The following CSMD2 variants were observed in gnomAD, a reference collection of about 807,000 sequenced individuals.
CSMD2 encodes the protein CUB and sushi domain-containing protein 2.
A neutral mutation model predicts 398.5 loss-of-function variants in CSMD2; 130 were observed. The ratio of observed to expected loss-of-function variants is 0.33; its 90% CI spans 0.28 to 0.38. The LOEUF (loss-of-function observed/expected upper bound fraction) is 0.38, where lower values mean the gene tolerates loss of function less well. Among genes scored for constraint, CSMD2 ranks in the 10% least tolerant of loss-of-function variants. The pLI is 1.00. For synonymous variants in CSMD2, 1,828 were observed against 1,908.5 expected (o/e 0.96, Z 1.10); for missense variants, 3,829 against 4,764.9 (o/e 0.80, Z 5.78).
intron 3 of CSMD2, among the ~76,000 whole-genome samples, chr1:33,990,638 A>T (rs539659294): frequency 6.6e-6 from 1 of 152,282 alleles, no homozygotes; most frequent in Non-Finnish European, 1.5e-5. Flanking sequence ...CTTGGGAAAA[A>T]CAATGGGCTC....
rs1379533614 is a variant in CSMD2 at position 34,165,218 on chromosome 1, C to G, written c.-121G>C. On this transcript the variant is annotated 5_prime_UTR_variant, in exon 1 of 71. Transcript: ENST00000373381. ...CCCGGTACGCGGGAGCCCTGAGCTTCTGCGGCTGGAATGAACCAAGTGTCC... is the reference window on the plus strand; with the variant it reads ...CCCGGTACGCGGGAGCCCTGAGCTTGTGCGGCTGGAATGAACCAAGTGTCC... The G allele has an allele frequency of 8.6e-7, 1 of 1,169,340 alleles. No homozygotes were observed. Among genetic ancestry groups the G allele is most frequent in the Non-Finnish European group, 1.1e-6 (1 of 948,298 alleles). The allele number at this position is 1,169,340 out of a possible 1,614,324, so 72.4% of individuals were successfully genotyped here.
chr1:34,001,892 T>A (rs576979749), intron 3 of CSMD2, among the ~76,000 whole-genome samples: 1 of 152,256 alleles, frequency 6.6e-6, no homozygotes, highest in East Asian at 1.9e-4. Flanking sequence ...GGTTAATAAA[T>A]GCTGCAAAAA....
intron 41 of CSMD2, among the ~76,000 whole-genome samples, chr1:33,607,371 G>C (rs1230027826): frequency 6.6e-6 from 1 of 152,146 alleles, no homozygotes; most frequent in Non-Finnish European, 1.5e-5. Context: ...GAAAGTCGAG[G>C]GGCCATAGAG....
chr1:33,605,527 G>T, intron 41 of CSMD2, 57 bp from the exon 42 acceptor site: 2 of 1,554,344 alleles, frequency 1.3e-6, no homozygotes, highest in South Asian at 1.1e-5. Context: ...AAATAGGAGC[G>T]GCAGAAAGCA....
intron 68 of CSMD2, among the ~76,000 whole-genome samples, chr1:33,520,682 G>A (rs964507471): frequency 8.5e-5 from 13 of 152,228 alleles, no homozygotes; most frequent in African/African-American, 3.1e-4. Context: ...GGAAAGGGTG[G>A]GAGCAGACCG....
chr1:33,821,608 T>TACTC (rs1456242999), intron 7 of CSMD2, among the ~76,000 whole-genome samples: 3 of 152,192 alleles, frequency 2.0e-5, no homozygotes, highest in Non-Finnish European at 4.4e-5. Flanking sequence ...AGCACTCCAT[T>TACTC]ACTCACTCAC....
At chr1:34,095,991 C>G (rs895806341) in intron 1 of CSMD2, among the ~76,000 whole-genome samples, 4 of 152,276 alleles carry the variant, frequency 2.6e-5, no homozygotes, top group African/African-American at 9.6e-5. Context: ...CCTTGATGAA[C>G]ATTGATGCAA....
intron 6 of CSMD2, among the ~76,000 whole-genome samples, chr1:33,829,146 A>C (rs1659172437): frequency 1.3e-5 from 2 of 152,174 alleles, no homozygotes; most frequent in Admixed American, 1.3e-4. Flanking sequence ...AGGGAAATAC[A>C]GGGGTCACAG....
chr1:34,114,213 C>T (rs1400026120), intron 1 of CSMD2, among the ~76,000 whole-genome samples: 2 of 152,098 alleles, frequency 1.3e-5, no homozygotes, highest in African/African-American at 4.8e-5. Context: ...GAATATATAT[C>T]CCAAGGAAAG....
chr1:33,898,855 C>T (rs983755598), intron 5 of CSMD2, among the ~76,000 whole-genome samples: 3 of 152,156 alleles, frequency 2.0e-5, no homozygotes, highest in African/African-American at 7.2e-5. Flanking sequence ...GCCTGAAGGA[C>T]ACTTGCCCTC....
rs1261527721 is a variant in CSMD2 at position 33,559,728 on chromosome 1, T to G, written c.8381-255A>C. ...TTCCCATAGGGTGTTAGGACTGGAC[T>G]GTGGTTCTCTGTGGTCTGAGCGGTC... On this transcript the variant is annotated intron_variant, in intron 53 of 70. Transcript: ENST00000373381. This position sits in a 1 kb window ranked among gnomAD's most constrained non-coding sequence, Gnocchi z 4.0. Among the ~76,000 whole-genome samples the G allele has an allele frequency of 6.6e-6, 1 of 152,178 alleles. No homozygotes were observed. Among genetic ancestry groups the G allele is most frequent in the Non-Finnish European group, 1.5e-5 (1 of 68,032 alleles).
At position 33,652,247 on chromosome 1, in the gene CSMD2, T is replaced by A. The variant is rs565490208; in HGVS notation, c.4586+76A>T. On this transcript the variant is annotated intron_variant, in intron 28 of 70. Transcript: ENST00000373381. The stretch of plus-strand genomic sequence containing the variant: ...AACTCTGCTACAGACCTGTGAATAC[T>A]CACCTGGAGACCCAGGTCCCAGAGC... 5 of 1,489,868 alleles carry A rather than the reference T, an allele frequency of 3.4e-6. No homozygotes were observed. The South Asian group carries it at 6.0e-5, about 18-fold the overall frequency. The allele number at this position is 1,489,868 out of a possible 1,614,324, so 92.3% of individuals were successfully genotyped here.
rs144391954 is a variant in CSMD2, at chr1:33,846,748, G to A, written c.1033+136C>T. The A allele has an allele frequency of 2.2e-3, 1,068 of 482,050 alleles. 12 individuals are homozygous for A. The highest frequency in any genetic ancestry group is 0.019 in the African/African-American group (931 of 49,636). The allele number at this position is 482,050 out of a possible 1,614,324, so 29.9% of individuals were successfully genotyped here. ...AGAGATGCAAATCTGCAGACCTCTGGTCTGCAAATAGAAACGTACAAAGAA... is the reference window on the plus strand; with the variant it reads ...AGAGATGCAAATCTGCAGACCTCTGATCTGCAAATAGAAACGTACAAAGAA... On this transcript the variant is annotated intron_variant, in intron 6 of 70. Transcript: ENST00000373381.
At position 33,540,533 on chromosome 1, in the gene CSMD2, T is replaced by A; in HGVS notation, c.9623A>T (p.Gln3208Leu). 1 of 1,614,128 alleles carries A rather than the reference T, an allele frequency of 6.2e-7. No individual in the cohort carries two copies. The highest frequency in any genetic ancestry group is 8.5e-7 in the Non-Finnish European group (1 of 1,180,006). Residue 3208 changes from glutamine to leucine, a missense_variant, in exon 60 of 71, where the codon CAG (glutamine) becomes CTG (leucine). Physicochemically the swap from Gln to Leu is moderately radical, Grantham distance 113 (BLOSUM62 -2). Coordinates refer to ENST00000373381, the MANE Select transcript of CSMD2 (RefSeq NM_001281956.2). ...GNGSWTGELP[Q>L]CFPVFCGDPG... ...CCTTGTAAGCAACTTACGGAAACACTGAGGCAGCTCTCCGGTCCAGGACCC... is the reference window on the plus strand; with the variant it reads ...CCTTGTAAGCAACTTACGGAAACACAGAGGCAGCTCTCCGGTCCAGGACCC...
At chr1:33,860,592 T>G (rs1639427080) in intron 5 of CSMD2, 1 of 152,202 alleles carries the variant, frequency 6.6e-6, no homozygotes, top group African/African-American at 2.4e-5. Context: ...GTGCCATCTG[T>G]TTTTATTCCT....
chr1:34,118,446 A>G (rs1661824501), intron 1 of CSMD2, among the ~76,000 whole-genome samples: 1 of 152,206 alleles, frequency 6.6e-6, no homozygotes, highest in Admixed American at 6.5e-5. Context: ...AAAGTCATCC[A>G]AACTAACATT....
At chr1:33,751,813 G>C (rs1648292730) in intron 13 of CSMD2, among the ~76,000 whole-genome samples, 1 of 151,696 alleles carries the variant, frequency 6.6e-6, no homozygotes, top group African/African-American at 2.4e-5. Context: ...TTTTAGTAGA[G>C]ATAGGGTTTC....
intron 26 of CSMD2, among the ~76,000 whole-genome samples, chr1:33,661,533 G>A (rs911685873): frequency 1.3e-5 from 2 of 152,148 alleles, no homozygotes; most frequent in African/African-American, 4.8e-5. Flanking sequence ...CCTTGGGTCT[G>A]CATCAGCCTG....
intron 44 of CSMD2, among the ~76,000 whole-genome samples, chr1:33,588,792 A>G (rs989175627): frequency 1.8e-4 from 27 of 152,146 alleles, no homozygotes; most frequent in African/African-American, 6.3e-4. Context: ...AGGTCTAGCT[A>G]TGAAAGACTC....
Sources: gnomAD v4.1 joint callset for allele counts (sites outside exome capture counted in the v4.1 genomes callset) on GRCh38, gnomAD v4.1.1 for gene constraint, Gnocchi (gnomAD v3.1) non-coding constraint, MANE v1.5 for transcripts, NCBI Gene and HGNC (gene_info 2026-07-23, HGNC 2026-07-21) for gene names.